Variants in MARCHF8 observed in about 807,000 individuals in gnomAD.
MARCHF8 encodes the protein membrane associated ring-CH-type finger 8, also known as E3 ubiquitin-protein ligase MARCHF8.
In MARCHF8, 40 loss-of-function variants were observed where a neutral mutation model predicts 51.6. The ratio of observed to expected loss-of-function variants is 0.77; its 90% confidence interval spans 0.60 to 1.01. The LOEUF (loss-of-function observed/expected upper bound fraction) is 1.01, where lower values mean the gene tolerates loss of function less well. Ranked by LOEUF, MARCHF8 falls within the 50% of genes least tolerant of loss-of-function variation. The pLI is 0.00. For synonymous variants in MARCHF8, 263 were observed against 280.3 expected, an observed-to-expected ratio of 0.94 and a Z score of 0.62; for missense variants, 685 against 708.6, an observed-to-expected ratio of 0.97 and a Z score of 0.38.
At chr10:45,481,132 T>C (rs1007357192) in intron 3 of MARCHF8, among the ~76,000 whole-genome samples, 1 of 152,246 alleles carries the variant, frequency 6.6e-6, no homozygotes, top group African/African-American at 2.4e-5. Flanking sequence ...ATTGTGGACT[T>C]ACATGGGGCC....
intron 3 of MARCHF8, among the ~76,000 whole-genome samples, chr10:45,464,629 C>CA (rs781436164): frequency 1.3e-5 from 2 of 152,130 alleles, no homozygotes; most frequent in Non-Finnish European, 2.9e-5. Flanking sequence ...ATATATAAGT[C>CA]AAAAAACGAA....
intron 1 of MARCHF8, among the ~76,000 whole-genome samples, chr10:45,568,865 G>A (rs1043170355): frequency 4.0e-5 from 6 of 151,756 alleles, no homozygotes; most frequent in East Asian, 3.9e-4. Context: ...TCAGGAGATC[G>A]AGACCATCTT....
intron 1 of MARCHF8, among the ~76,000 whole-genome samples, chr10:45,551,838 T>C (rs1229945726): frequency 1.4e-5 from 2 of 142,870 alleles, no homozygotes; most frequent in African/African-American, 5.2e-5. Context: ...TAGGTATATC[T>C]GTACACACAC....
At chr10:45,549,934 C>G (rs895732780) in intron 1 of MARCHF8, among the ~76,000 whole-genome samples, 1 of 152,170 alleles carries the variant, frequency 6.6e-6, no homozygotes, top group Non-Finnish European at 1.5e-5. Context: ...AATCTCTGTA[C>G]TTTATTAATT....
At chr10:45,575,819 C>T (rs1015153481) in intron 1 of MARCHF8, among the ~76,000 whole-genome samples, 1 of 152,142 alleles carries the variant, frequency 6.6e-6, no homozygotes, top group Non-Finnish European at 1.5e-5. Flanking sequence ...CTGTTCCTGC[C>T]TTAACTGATG....
chr10:45,505,107 GAAT>G (rs1214697320), intron 2 of MARCHF8, among the ~76,000 whole-genome samples: 2 of 152,152 alleles, frequency 1.3e-5, no homozygotes, highest in African/African-American at 4.8e-5. Flanking sequence ...AGCTACTCCT[GAAT>G]AAGAAAGAAG....
In MARCHF8 at chr10:45,469,672, T is replaced by C. The variant is rs534134350; in HGVS notation, c.154-5345A>G. On this transcript the variant is annotated intron_variant, in intron 3 of 7. Coordinates refer to ENST00000453424, the MANE Select transcript of MARCHF8 (RefSeq NM_001282866.2). ...CGAGGTCAGGAGATCGAGACCATCCTGGCTAACACGGTGAAACCCCGTCTC... is the reference window on the plus strand; with the variant it reads ...CGAGGTCAGGAGATCGAGACCATCCCGGCTAACACGGTGAAACCCCGTCTC... 7.6e-4 allele frequency among the ~76,000 whole-genome samples: 116 copies of C among 152,042 alleles called. 4 individuals are homozygous for C. The highest frequency in any genetic ancestry group is 5.4e-3 in the Admixed American group (83 of 15,286).
At chr10:45,498,826 C>T (rs7923355) in intron 2 of MARCHF8, among the ~76,000 whole-genome samples, 4 of 152,108 alleles carry the variant, frequency 2.6e-5, no homozygotes, top group Non-Finnish European at 5.9e-5. Context: ...AATAAATGTA[C>T]CATATTTTAT....
intron 2 of MARCHF8, among the ~76,000 whole-genome samples, chr10:45,502,727 A>G (rs772070403): frequency 6.6e-6 from 1 of 152,240 alleles, no homozygotes; most frequent in African/African-American, 2.4e-5. Context: ...AAGGGAAATA[A>G]AAACAGTCAC....
chr10:45,567,167 T>C (rs1473218540), intron 1 of MARCHF8, among the ~76,000 whole-genome samples: 4 of 152,242 alleles, frequency 2.6e-5, no homozygotes, highest in Non-Finnish European at 1.5e-5. Flanking sequence ...CCTTATATAC[T>C]CTGGTTATTA....
At chr10:45,578,573 G>T (rs2044515891) in intron 1 of MARCHF8, among the ~76,000 whole-genome samples, 1 of 152,164 alleles carries the variant, frequency 6.6e-6, no homozygotes, top group Non-Finnish European at 1.5e-5. Context: ...AAACTAGTGG[G>T]TGAAAGTTTG....
intron 3 of MARCHF8, among the ~76,000 whole-genome samples, chr10:45,471,064 C>A (rs1260271449): frequency 6.6e-6 from 1 of 152,166 alleles, no homozygotes; most frequent in East Asian, 1.9e-4. Flanking sequence ...TTAATTAAAA[C>A]TGACCATTAA....
At chr10:45,487,974 A>G (rs2043013389) in intron 3 of MARCHF8, among the ~76,000 whole-genome samples, 1 of 152,090 alleles carries the variant, frequency 6.6e-6, no homozygotes, top group Admixed American at 6.5e-5. Flanking sequence ...CCTTACAAAG[A>G]ACTTTCATGG....
chr10:45,569,807 T>G (rs958916962), intron 1 of MARCHF8, among the ~76,000 whole-genome samples: 1 of 152,142 alleles, frequency 6.6e-6, no homozygotes, highest in African/African-American at 2.4e-5. Flanking sequence ...CAATTGTGTA[T>G]CAAGGAGACT....
chr10:45,479,584 T>C (rs1323912670), intron 3 of MARCHF8, among the ~76,000 whole-genome samples: 1 of 152,146 alleles, frequency 6.6e-6, no homozygotes, highest in Non-Finnish European at 1.5e-5. Flanking sequence ...ATACTGTTCT[T>C]GTGGTAGTGA....
chr10:45,480,415 T>A (rs1210996022), intron 3 of MARCHF8, among the ~76,000 whole-genome samples: 5 of 152,072 alleles, frequency 3.3e-5, no homozygotes, highest in African/African-American at 9.7e-5. Flanking sequence ...GGAAAATGTC[T>A]CAAGGGCATG....
intron 3 of MARCHF8, among the ~76,000 whole-genome samples, chr10:45,474,543 T>C (rs1200612257): frequency 6.6e-6 from 1 of 151,960 alleles, no homozygotes; most frequent in Non-Finnish European, 1.5e-5. Context: ...TTAGGTGATA[T>C]AATGAAGAAC....
At chr10:45,588,354 C>T (rs1018537993) in intron 1 of MARCHF8, among the ~76,000 whole-genome samples, 2 of 152,154 alleles carry the variant, frequency 1.3e-5, no homozygotes, top group Admixed American at 6.5e-5. Context: ...AACGGGTTGG[C>T]TTCTATGAGA....
chr10:45,479,889 G>A (rs961522513), intron 3 of MARCHF8, among the ~76,000 whole-genome samples: 1 of 152,190 alleles, frequency 6.6e-6, no homozygotes, highest in African/African-American at 2.4e-5. Flanking sequence ...TTGGATCTGG[G>A]TAACAGGCAG....
Sources: gnomAD v4.1 joint callset for allele counts (sites outside exome capture counted in the v4.1 genomes callset) on GRCh38, gnomAD v4.1.1 for gene constraint, MANE v1.5 for transcripts, NCBI Gene and HGNC (gene_info 2026-07-23, HGNC 2026-07-21) for gene names.